The following PTPRG variants were observed in gnomAD, a reference collection of about 807,000 sequenced individuals.
PTPRG encodes protein tyrosine phosphatase receptor type G, also known as receptor-type tyrosine-protein phosphatase gamma.
PTPRG carries 102 observed loss-of-function variants against 165.3 expected under a neutral mutation model. The observed-to-expected ratio is 0.62, with a 90% CI of 0.53 to 0.73. PTPRG has a LOEUF of 0.73. Among genes scored for constraint, PTPRG ranks in the 30% least tolerant of loss-of-function variants. The probability of loss-of-function intolerance (pLI) is 0.00; values close to 1 mark genes in which losing one functional copy is unlikely to be tolerated. For missense variants in PTPRG, 1,866 were observed against 1,861.4 expected, an observed-to-expected ratio of 1.00 and a Z score of -0.05; for synonymous variants, 675 against 669.5, an observed-to-expected ratio of 1.01 and a Z score of -0.13.
chr3:61,958,021 T>G (rs901950106), intron 2 of PTPRG, among the ~76,000 whole-genome samples: 16 of 152,212 alleles, frequency 1.1e-4, no homozygotes, highest in Non-Finnish European at 2.1e-4. Context: ...AGTTATCCTT[T>G]TTATTCTTCC....
intron 12 of PTPRG, among the ~76,000 whole-genome samples, chr3:62,204,780 G>A (rs1700186016): frequency 1.3e-5 from 2 of 152,164 alleles, no homozygotes. Flanking sequence ...TATAGACAGT[G>A]AGGCCAGGGC....
chr3:62,267,808 GA>G lies in PTPRG; in HGVS notation c.2868del (p.Gly957GlufsTer24). The G allele has an allele frequency of 1.2e-6, 2 of 1,611,806 alleles. No homozygotes were observed. On this transcript the variant is annotated frameshift_variant, in exon 19 of 30. Transcript: ENST00000474889. LOFTEE classifies it high-confidence loss of function. ...GIIVMITNLV[E>X]KGRRKCDQYW... The stretch of plus-strand genomic sequence containing the variant: ...CATTGTGATGATTACGAACCTTGTG[GA>G]AAAAGGAAGAGTAAGAGCCTTTTGA...
At chr3:61,619,400 C>T (rs1701388715) in intron 1 of PTPRG, among the ~76,000 whole-genome samples, 1 of 152,114 alleles carries the variant, frequency 6.6e-6, no homozygotes, top group Non-Finnish European at 1.5e-5. Flanking sequence ...GGACATTTGG[C>T]AATGTCTGGA....
intron 2 of PTPRG, among the ~76,000 whole-genome samples, chr3:61,780,316 TG>T (rs976206224): frequency 6.6e-6 from 1 of 152,042 alleles, no homozygotes; most frequent in Non-Finnish European, 1.5e-5. Context: ...GAAACTTGAG[TG>T]GGGGGCAGGC....
At chr3:61,626,365 C>G (rs1701610470) in intron 1 of PTPRG, among the ~76,000 whole-genome samples, 1 of 152,092 alleles carries the variant, frequency 6.6e-6, no homozygotes. Flanking sequence ...TATTTGCCTG[C>G]TGGTATGCCA....
At chr3:62,275,143 G>A (rs72878158) in intron 23 of PTPRG, among the ~76,000 whole-genome samples, 1,844 of 152,204 alleles carry the variant, frequency 0.012, 37 homozygotes, top group African/African-American at 0.042. Flanking sequence ...TTGACAAAAT[G>A]GTTCAACCAA....
intron 6 of PTPRG, among the ~76,000 whole-genome samples, chr3:62,152,228 C>A (rs1704362824): frequency 6.6e-6 from 1 of 150,682 alleles, no homozygotes; most frequent in Non-Finnish European, 1.5e-5. Context: ...TTTAATTAGG[C>A]AGGCATGGTG....
At chr3:61,955,171 A>G (rs941002641) in intron 2 of PTPRG, among the ~76,000 whole-genome samples, 7 of 152,218 alleles carry the variant, frequency 4.6e-5, no homozygotes, top group Non-Finnish European at 7.3e-5. Flanking sequence ...CATAGCCTTG[A>G]ACTTTATTCT....
At chr3:61,952,769 C>G (rs2107627174) in intron 2 of PTPRG, among the ~76,000 whole-genome samples, 1 of 151,192 alleles carries the variant, frequency 6.6e-6, no homozygotes, top group Non-Finnish European at 1.5e-5. Flanking sequence ...CTTCCTCCGT[C>G]TACAATTAAT....
intron 1 of PTPRG, among the ~76,000 whole-genome samples, chr3:61,567,164 G>A (rs563538497): frequency 6.6e-6 from 1 of 152,216 alleles, no homozygotes; most frequent in African/African-American, 2.4e-5. Context: ...AGAATAAAAG[G>A]GCTGTTTTAT....
At chr3:61,651,529 G>A (rs183696923) in intron 1 of PTPRG, among the ~76,000 whole-genome samples, 2 of 152,266 alleles carry the variant, frequency 1.3e-5, no homozygotes, top group South Asian at 2.1e-4. Flanking sequence ...TTCTTTAGAA[G>A]ATGATAATGG....
chr3:61,661,805 A>G (rs184729640), intron 1 of PTPRG, among the ~76,000 whole-genome samples: 45 of 152,302 alleles, frequency 3.0e-4, no homozygotes, highest in Non-Finnish European at 4.3e-4. Context: ...TGGTGTTGAA[A>G]TGTGTGGCAA....
intron 1 of PTPRG, among the ~76,000 whole-genome samples, chr3:61,676,240 G>A (rs1559552365): frequency 2.0e-5 from 3 of 151,426 alleles, no homozygotes; most frequent in South Asian, 2.1e-4. Flanking sequence ...GGCAGATCAC[G>A]AGGTCAGGAG....
chr3:62,259,124 A>G (rs1017473602), intron 16 of PTPRG, among the ~76,000 whole-genome samples: 1 of 152,212 alleles, frequency 6.6e-6, no homozygotes, highest in Non-Finnish European at 1.5e-5. Context: ...ATCTTAAATC[A>G]AAAGAACAAA....
In PTPRG at chr3:61,639,623, C is replaced by T. The variant is rs117137730; in HGVS notation, c.85+77251C>T. ...CGTACTTCTTGTAGCAATCTTTCACCTGCTTGATTAGATGTATTCCTAGGT... is the reference window on the plus strand; with the variant it reads ...CGTACTTCTTGTAGCAATCTTTCACTTGCTTGATTAGATGTATTCCTAGGT... On this transcript the variant is annotated intron_variant, in intron 1 of 29. Transcript: ENST00000474889. 5.9e-5 allele frequency among the ~76,000 whole-genome samples: 9 copies of T among 152,078 alleles called. No individual in the cohort carries two copies. In the East Asian group the frequency reaches 1.7e-3, roughly 29 times the overall value.
intron 5 of PTPRG, among the ~76,000 whole-genome samples, chr3:62,113,236 G>C (rs1702733017): frequency 6.6e-6 from 1 of 152,102 alleles, no homozygotes; most frequent in Admixed American, 6.6e-5. Flanking sequence ...TAGCTGTGTG[G>C]GAATATGGCC....
chr3:61,766,985 T>C (rs2034039992), intron 2 of PTPRG, among the ~76,000 whole-genome samples: 1 of 151,722 alleles, frequency 6.6e-6, no homozygotes, highest in African/African-American at 2.4e-5. Flanking sequence ...GGCTCAGGCC[T>C]GTAATACCAG....
At position 62,003,371 on chromosome 3, in the gene PTPRG, CT is replaced by C; in HGVS notation, c.394del (p.Tyr132IlefsTer65). On this transcript the variant is annotated frameshift_variant, in exon 4 of 30. Transcript: ENST00000474889. LOFTEE classifies it high-confidence loss of function. ...KTVAILLKDD[Y>X]FVSGAGLPGR... is the part of the protein sequence containing the mutation. ...CAGTCGCCATCCTTCTGAAAGACGACTATTTTGTCAGTGGAGCTGGTCTACC... is the reference window on the plus strand; with the variant it reads ...CAGTCGCCATCCTTCTGAAAGACGACATTTTGTCAGTGGAGCTGGTCTACC... 6.2e-7 allele frequency: 1 copy of C among 1,613,908 alleles called. No homozygotes were observed. The highest frequency in any genetic ancestry group is 8.5e-7 in the Non-Finnish European group (1 of 1,179,892).
intron 5 of PTPRG, among the ~76,000 whole-genome samples, chr3:62,126,640 A>G (rs76126483): frequency 0.028 from 4,295 of 152,304 alleles, 86 homozygotes; most frequent in Middle Eastern, 0.065. Context: ...GGCCTCGGTG[A>G]CATTTTGCTT....
Sources: allele counts gnomAD v4.1 joint callset (sites outside exome capture counted in the v4.1 genomes callset), GRCh38; gene constraint gnomAD v4.1.1; transcripts MANE v1.5; gene names NCBI Gene and HGNC (gene_info 2026-07-23, HGNC 2026-07-21).